KRT39: variants seen among roughly 807,000 people sequenced by gnomAD.
The protein encoded by KRT39 is keratin 39, also known as keratin, type I cytoskeletal 39.
KRT39 carries 47 observed loss-of-function variants against 54.8 expected under a neutral mutation model. The observed-to-expected ratio is 0.86, with a 90% CI of 0.68 to 1.09. The LOEUF (loss-of-function observed/expected upper bound fraction) is 1.09, where lower values mean the gene tolerates loss of function less well. Ranked by LOEUF, KRT39 falls within the 50% of genes least tolerant of loss-of-function variation. The probability of loss-of-function intolerance (pLI) is 0.00; values close to 1 mark genes in which losing one functional copy is unlikely to be tolerated. For synonymous variants in KRT39, 207 were observed against 227.9 expected, an observed-to-expected ratio of 0.91 and a Z score of 0.83; for missense variants, 580 against 598.5, an observed-to-expected ratio of 0.97 and a Z score of 0.32.
rs779568285 is a variant in KRT39 at position 40,966,380 on chromosome 17, G to A, written c.468+9C>T. 1 of 1,572,560 alleles carries A rather than the reference G, an allele frequency of 6.4e-7. No individual in the cohort carries two copies. Among genetic ancestry groups the A allele is most frequent in the Admixed American group, 1.7e-5 (1 of 59,420 alleles). ...ACAACACGATTAAACAGGTTCTTAG[G>A]AATCTTACCTTCTGCTGGAGCTCCT... On this transcript the variant is annotated intron_variant, in intron 1 of 6. Transcript: ENST00000355612.
chr17:40,966,706 GA>G lies in KRT39; in HGVS notation c.150del (p.Leu51SerfsTer22). 6.2e-7 allele frequency: 1 copy of G among 1,614,244 alleles called. No individual in the cohort carries two copies. The highest frequency in any genetic ancestry group is 8.5e-7 in the Non-Finnish European group (1 of 1,180,042). Reference protein sequence around the residue: ...TVNNCQPAGHVLRIPWDQGCQ... With the variant: ...TVNNCQPAGHXLRIPWDQGCQ... ...CAGCCCTGGTCCCAGGGAATTCTGA[GA>G]ACGTGGCCAGCTGGTTGACAGTTGT... On this transcript the variant is annotated frameshift_variant, in exon 1 of 7. Coordinates refer to ENST00000355612, the MANE Select transcript of KRT39 (RefSeq NM_213656.4). LOFTEE classifies it high-confidence loss of function.
At chr17:40,964,285 ATTAATC>A (rs1276191253) in intron 2 of KRT39, 155 bp downstream of exon 2, 7 of 670,362 alleles carry the variant, frequency 1.0e-5, no homozygotes, top group Non-Finnish European at 1.9e-5. Context: ...GTGAGCAGTT[ATTAATC>A]TTAATCATTC....
intron 1 of KRT39, among the ~76,000 whole-genome samples, chr17:40,965,569 C>A (rs1597907413): frequency 1.3e-5 from 2 of 152,114 alleles, no homozygotes; most frequent in African/African-American, 2.4e-5. Context: ...ATGAATAAAA[C>A]TGAATAAATC....
chr17:40,966,046 C>A (rs959852072), intron 1 of KRT39, among the ~76,000 whole-genome samples: 17 of 147,180 alleles, frequency 1.2e-4, no homozygotes, highest in African/African-American at 4.1e-4. Context: ...CCACGCCCAT[C>A]TAATTTTTTT....
chr17:40,966,700 T>A lies in KRT39; in HGVS notation c.157A>T (p.Ile53Phe), dbSNP rs1255352718. 1 of 1,614,086 alleles carries A rather than the reference T, an allele frequency of 6.2e-7. No individual in the cohort carries two copies. Among genetic ancestry groups the A allele is most frequent in the Non-Finnish European group, 8.5e-7 (1 of 1,180,042 alleles). The change falls in exon 1 of 7, where the codon ATT becomes TTT. Residue 53 changes from isoleucine to phenylalanine, a missense_variant. Transcript: ENST00000355612. The stretch of plus-strand genomic sequence containing the variant: ...GGTTGGCAGCCCTGGTCCCAGGGAA[T>A]TCTGAGAACGTGGCCAGCTGGTTGA... ...NCQPAGHVLR[I>F]PWDQGCQPTP...
chr17:40,961,534 A>G (rs1911152282), intron 5 of KRT39, among the ~76,000 whole-genome samples: 1 of 152,228 alleles, frequency 6.6e-6, no homozygotes, highest in African/African-American at 2.4e-5. Context: ...ATCATGAGAC[A>G]GAATGATACT....
At chr17:40,963,598 T>C in intron 3 of KRT39, 29 bp downstream of exon 3, 1 of 1,565,884 alleles carries the variant, frequency 6.4e-7, no homozygotes. Flanking sequence ...GGACTTAGCT[T>C]GTGATTACTC....
intron 2 of KRT39, chr17:40,964,018 G>A (rs1911262579): frequency 2.3e-6 from 1 of 437,768 alleles, no homozygotes. Flanking sequence ...GGAATTTATT[G>A]TCCTTCCTCT....
rs1469969266 is a variant in KRT39, at chr17:40,966,845, C to A, written c.12G>T (p.Lys4Asn). The change falls in exon 1 of 7, where the codon AAG becomes AAT. Residue 4 changes from lysine to asparagine, a missense_variant. Coordinates refer to ENST00000355612, the MANE Select transcript of KRT39 (RefSeq NM_213656.4). Reference protein sequence around the residue: MDTKGCTTTNSPST... With the variant: MDTNGCTTTNSPST... Reference sequence around the variant, plus strand: ...AAGGAGAATTGGTTGTTGTACAGCCCTTGGTGTCCATAGTATGTGTCTGGC... The same window carrying A: ...AAGGAGAATTGGTTGTTGTACAGCCATTGGTGTCCATAGTATGTGTCTGGC... 1 of 1,608,554 alleles carries A rather than the reference C, an allele frequency of 6.2e-7. No individual in the cohort carries two copies. Among genetic ancestry groups the A allele is most frequent in the Non-Finnish European group, 8.5e-7 (1 of 1,176,528 alleles).
In KRT39 at chr17:40,962,240, TTGC is replaced by T. The variant is rs753575903; in HGVS notation, c.915_917del (p.Gln306del). ...GTTCTATGATCTCCTTTTGGCAGCATTGCTGCTGTTGAGAGCTGGTCACCACTT... is the reference window on the plus strand; with the variant it reads ...GTTCTATGATCTCCTTTTGGCAGCATTGCTGTTGAGAGCTGGTCACCACTT... On this transcript the variant is annotated inframe_deletion, in exon 5 of 7. Transcript: ENST00000355612. 1 of 1,614,232 alleles carries T rather than the reference TTGC, an allele frequency of 6.2e-7. No homozygotes were observed. The highest frequency in any genetic ancestry group is 8.5e-7 in the Non-Finnish European group (1 of 1,180,034).
chr17:40,962,784 A>C (rs1175203027), intron 3 of KRT39, among the ~76,000 whole-genome samples: 1 of 152,186 alleles, frequency 6.6e-6, no homozygotes, highest in Non-Finnish European at 1.5e-5. Flanking sequence ...AAAAAAAATG[A>C]GTAGCAAGAC....
chr17:40,963,836 C>G lies in KRT39; in HGVS notation c.552-53G>C, dbSNP rs1422880584. 4.8e-6 allele frequency: 7 copies of G among 1,444,674 alleles called. No homozygotes were observed. In the Admixed American group the frequency reaches 5.6e-5, roughly 12 times the overall value. 89.5% of individuals were successfully genotyped at this position (1,444,674 alleles called of 1,614,324 possible). ...ACATCTGAAAGGAGATGATGCAAAC[C>G]AAGCCAAGCAGAACTCTCATCTGCA... On this transcript the variant is annotated intron_variant, in intron 2 of 6. Transcript: ENST00000355612.
At position 40,963,616 on chromosome 17, in the gene KRT39, CTT is replaced by C; in HGVS notation, c.708+9_708+10del. 1.3e-6 allele frequency: 2 copies of C among 1,593,618 alleles called. No individual in the cohort carries two copies. The highest frequency in any genetic ancestry group is 1.7e-6 in the Non-Finnish European group (2 of 1,164,040). On this transcript the variant is annotated intron_variant, in intron 3 of 6. Coordinates refer to ENST00000355612, the MANE Select transcript of KRT39 (RefSeq NM_213656.4). ...CTTAGCTTGTGATTACTCTATTGGTCTTTGTCTCACCTCTTTGTGGTTGTTCT... is the reference window on the plus strand; with the variant it reads ...CTTAGCTTGTGATTACTCTATTGGTCTGTCTCACCTCTTTGTGGTTGTTCT...
At chr17:40,958,882 T>C (rs1911018507) in intron 6 of KRT39, 23 bp from the exon 7 acceptor site, 1 of 1,552,256 alleles carries the variant, frequency 6.4e-7, no homozygotes, top group South Asian at 1.2e-5. Context: ...AACACAATTT[T>C]AGCTGTGATT....
chr17:40,966,045 T>C (rs1597907683), intron 1 of KRT39, among the ~76,000 whole-genome samples: 1 of 147,278 alleles, frequency 6.8e-6, no homozygotes. Context: ...ACCACGCCCA[T>C]CTAATTTTTT....
In KRT39 at chr17:40,958,791, A is replaced by C. The variant is rs747007014; in HGVS notation, c.1286T>G (p.Ile429Arg). The change falls in exon 7 of 7, where the codon ATA (isoleucine) becomes AGA (arginine). Residue 429 changes from isoleucine (I) to arginine (R), a missense_variant. Coordinates refer to ENST00000355612, the MANE Select transcript of KRT39 (RefSeq NM_213656.4). Reference protein sequence around the residue: ...SPWTSCKSGAIESTAPACTSS... With the variant: ...SPWTSCKSGARESTAPACTSS... ...TGTGCAAGCTGGGGCCGTGCTTTCT[A>C]TGGCTCCGGACTTACAAGATGTCCA... 1 of 1,613,890 alleles carries C rather than the reference A, an allele frequency of 6.2e-7. No homozygotes were observed. The highest frequency in any genetic ancestry group is 1.1e-5 in the South Asian group (1 of 91,032).
intron 6 of KRT39, 73 bp downstream of exon 6, chr17:40,960,208 T>A: frequency 7.4e-7 from 1 of 1,348,618 alleles, no homozygotes; most frequent in East Asian, 2.3e-5. Flanking sequence ...TTGACCCCTG[T>A]TGCCAGTGGC....
intron 3 of KRT39, among the ~76,000 whole-genome samples, chr17:40,962,939 A>T (rs1459665386): frequency 6.6e-6 from 1 of 152,192 alleles, no homozygotes; most frequent in East Asian, 1.9e-4. Context: ...ATTGACTTGT[A>T]CCAATGGGAG....
chr17:40,964,030 C>T, intron 2 of KRT39: 1 of 431,884 alleles, frequency 2.3e-6, no homozygotes, highest in African/African-American at 2.0e-5. Context: ...CCTTCCTCTG[C>T]CCCTAGTGGC....
Sources: gnomAD v4.1 joint callset for allele counts (sites outside exome capture counted in the v4.1 genomes callset) on GRCh38, gnomAD v4.1.1 for gene constraint, MANE v1.5 for transcripts, NCBI Gene and HGNC (gene_info 2026-07-23, HGNC 2026-07-21) for gene names.